The following FHOD3 variants were observed in gnomAD, a reference collection of about 807,000 sequenced individuals.
FHOD3 encodes the protein formin homology 2 domain containing 3, also known as FH1/FH2 domain-containing protein 3.
In FHOD3, 90 loss-of-function variants were observed where a neutral mutation model predicts 173.0. The ratio of observed to expected loss-of-function variants is 0.52; its 90% CI spans 0.44 to 0.62. The LOEUF (loss-of-function observed/expected upper bound fraction) is 0.62, where lower values mean the gene tolerates loss of function less well. Ranked by LOEUF, FHOD3 falls within the 20% of genes least tolerant of loss-of-function variation. The pLI, the probability that FHOD3 is intolerant of heterozygous loss-of-function variation, is 0.00. For missense variants in FHOD3, 1,945 were observed against 2,034.7 expected, an observed-to-expected ratio of 0.96 and a Z score of 0.85; for synonymous variants, 828 against 823.0, an observed-to-expected ratio of 1.01 and a Z score of -0.10.
At chr18:36,645,135 A>G (rs1332059583) in intron 10 of FHOD3, among the ~76,000 whole-genome samples, 1 of 148,294 alleles carries the variant, frequency 6.7e-6, no homozygotes, top group Non-Finnish European at 1.5e-5. Context: ...AGGGTATACT[A>G]TGCCAAGCTC....
intron 10 of FHOD3, among the ~76,000 whole-genome samples, chr18:36,638,500 T>C (rs2035049146): frequency 6.6e-6 from 1 of 152,164 alleles, no homozygotes; most frequent in Non-Finnish European, 1.5e-5. Flanking sequence ...CCTATCTGCC[T>C]GCCTGCTTGG....
rs574839769 is a variant in FHOD3 at position 36,608,484 on chromosome 18, G to A, written c.814-3468G>A. ...CCGACACTGCTGCATTGGGGTTTAA[G>A]TTTCCAACACATGAACTTTGGGTGG... On this transcript the variant is annotated intron_variant, in intron 8 of 28. Coordinates refer to ENST00000590592, the MANE Select transcript of FHOD3 (RefSeq NM_001281740.3). Among the ~76,000 whole-genome samples the A allele has an allele frequency of 5.3e-5, 8 of 152,298 alleles. No individual in the cohort carries two copies. In the South Asian group the frequency reaches 1.7e-3, roughly 32 times the overall value.
rs372940871 is a variant in FHOD3 at position 36,334,907 on chromosome 18, T to G, written c.166-20632T>G. ...ACTAATTTATTCCTGTAAGGAGGCC[T>G]GGCAGCTGGTGAGAGGTGTTCTGAA... On this transcript the variant is annotated intron_variant, in intron 1 of 28. Transcript: ENST00000590592. Among the ~76,000 whole-genome samples the G allele has an allele frequency of 2.3e-3, 353 of 152,348 alleles. 2 individuals carry two copies. The highest frequency in any genetic ancestry group is 8.1e-3 in the African/African-American group (336 of 41,588).
intron 17 of FHOD3, among the ~76,000 whole-genome samples, chr18:36,700,137 A>G (rs1600300965): frequency 6.6e-6 from 1 of 151,846 alleles, no homozygotes; most frequent in South Asian, 2.1e-4. Context: ...GCTCCTCTCT[A>G]TCTTCATACA....
chr18:36,323,556 AG>A (rs759181587), intron 1 of FHOD3, among the ~76,000 whole-genome samples: 1 of 152,172 alleles, frequency 6.6e-6, no homozygotes, highest in Non-Finnish European at 1.5e-5. Context: ...CCAGGGACAG[AG>A]GACTTCTCAC....
At chr18:36,517,450 G>A (rs1217979208) in intron 5 of FHOD3, among the ~76,000 whole-genome samples, 11 of 152,186 alleles carry the variant, frequency 7.2e-5, no homozygotes, top group Admixed American at 6.5e-4. Context: ...TGAATTGCAT[G>A]TGTCTTGTAT....
chr18:36,382,346 G>C (rs1403682291), intron 3 of FHOD3, among the ~76,000 whole-genome samples: 2 of 152,288 alleles, frequency 1.3e-5, no homozygotes, highest in East Asian at 3.9e-4. Flanking sequence ...GGGTCTGGCT[G>C]CGTTTTTTCG....
In FHOD3 at chr18:36,549,532, CTTTTTTTTTT is replaced by C. The variant is rs386387404; in HGVS notation, c.512-26905_512-26896del. Among the ~76,000 whole-genome samples, 222 of 71,244 alleles carry C rather than the reference CTTTTTTTTTT, an allele frequency of 3.1e-3. 1 individual carries two copies. The highest frequency in any genetic ancestry group is 0.012 in the African/African-American group (211 of 17,452). The allele number at this position is 71,244 out of a possible 152,430, so 46.7% of individuals were successfully genotyped here. A position where few individuals can be genotyped will look rare whatever the true frequency, so the allele number is the denominator to read the frequency against. ...ACATTTAGTGTCAGATCTAAGAAAT[CTTTTTTTTTT>C]TTTTTTTTTTTTTGAGATGGAGTCT... On this transcript the variant is annotated intron_variant, in intron 5 of 28. Transcript: ENST00000590592.
At chr18:36,497,405 C>T (rs571317136) in intron 3 of FHOD3, among the ~76,000 whole-genome samples, 40 of 152,122 alleles carry the variant, frequency 2.6e-4, no homozygotes, top group Admixed American at 8.5e-4. Context: ...TGTGATGTCG[C>T]AGAGGTTAAA....
At chr18:36,647,707 A>G (rs1386771802) in intron 10 of FHOD3, among the ~76,000 whole-genome samples, 1 of 152,246 alleles carries the variant, frequency 6.6e-6, no homozygotes, top group Admixed American at 6.5e-5. Context: ...GGGTCATCAG[A>G]AGTAGAATGG....
At position 36,514,051 on chromosome 18, in the gene FHOD3, C is replaced by A. The variant is rs187565346; in HGVS notation, c.511+1508C>A. On this transcript the variant is annotated intron_variant, in intron 5 of 28. Coordinates refer to ENST00000590592, the MANE Select transcript of FHOD3 (RefSeq NM_001281740.3). ...TGAGATGGAGTCTTGCTCTGTCACC[C>A]AGGCTGGAGTGCAGTGGCGCGATCT... Among the ~76,000 whole-genome samples the A allele has an allele frequency of 2.1e-3, 237 of 115,494 alleles. 1 individual carries two copies. The highest frequency in any genetic ancestry group is 6.9e-3 in the African/African-American group (218 of 31,368). 75.8% of individuals were successfully genotyped at this position (115,494 alleles called of 152,430 possible). A position where few individuals can be genotyped will look rare whatever the true frequency, so the allele number is the denominator to read the frequency against.
At chr18:36,563,069 CAG>C (rs2058145648) in intron 5 of FHOD3, among the ~76,000 whole-genome samples, 1 of 152,160 alleles carries the variant, frequency 6.6e-6, no homozygotes, top group South Asian at 2.1e-4. Flanking sequence ...CTTCTAGACA[CAG>C]AGTCTTCATG....
chr18:36,600,646 T>C (rs2031242566), intron 7 of FHOD3, among the ~76,000 whole-genome samples: 1 of 152,182 alleles, frequency 6.6e-6, no homozygotes, highest in Non-Finnish European at 1.5e-5. Flanking sequence ...TGTTTGAGTG[T>C]TCTTATTATA....
chr18:36,480,886 G>C (rs1312774403), intron 3 of FHOD3, among the ~76,000 whole-genome samples: 2 of 152,152 alleles, frequency 1.3e-5, no homozygotes, highest in African/African-American at 4.8e-5. Context: ...GATTCCAGCA[G>C]TTTTTCCCTT....
chr18:36,476,779 A>G (rs2053598295), intron 3 of FHOD3, among the ~76,000 whole-genome samples: 1 of 152,204 alleles, frequency 6.6e-6, no homozygotes, highest in Admixed American at 6.5e-5. Flanking sequence ...CTTAAGTGTA[A>G]AGATCCAAAC....
chr18:36,641,321 G>A (rs2035290388), intron 10 of FHOD3, among the ~76,000 whole-genome samples: 1 of 152,180 alleles, frequency 6.6e-6, no homozygotes, highest in Non-Finnish European at 1.5e-5. Context: ...GGGTGAGGAG[G>A]TTCACGAAGG....
intron 4 of FHOD3, among the ~76,000 whole-genome samples, chr18:36,509,368 A>C (rs1050072305): frequency 2.0e-5 from 3 of 146,716 alleles, no homozygotes; most frequent in Non-Finnish European, 4.4e-5. Context: ...CGGAGCTTGC[A>C]GTGAGTTGAG....
At chr18:36,675,282 C>G (rs1397884419) in intron 14 of FHOD3, among the ~76,000 whole-genome samples, 1 of 152,112 alleles carries the variant, frequency 6.6e-6, no homozygotes, top group Non-Finnish European at 1.5e-5. Flanking sequence ...TCCCTTTCCA[C>G]GTGGTCTCCT....
Position 36,740,731 on chromosome 18 carries a change from C to G in FHOD3, c.3652C>G (p.Pro1218Ala), listed in dbSNP as rs765914500. ...QEAQLANPEI[P>A]LGSAEQFLLT... ...AGCTCAGCTGGCCAACCCTGAAATC[C>G]CCCTGGGCAGTGCAGAGCAGTTCCT... Residue 1218 changes from proline (P) to alanine (A), a missense_variant, in exon 21 of 29, where the codon CCC becomes GCC. Around this residue, in one of 5 missense-constraint regions of FHOD3, gnomAD observed 231 missense variants for 321.9 expected, o/e 0.72. Coordinates refer to ENST00000590592, the MANE Select transcript of FHOD3 (RefSeq NM_001281740.3). The G allele has an allele frequency of 1.9e-6, 3 of 1,613,928 alleles. No individual in the cohort carries two copies. Among genetic ancestry groups the G allele is most frequent in the Non-Finnish European group, 2.5e-6 (3 of 1,180,016 alleles).
Sources: gnomAD v4.1 joint callset for allele counts (sites outside exome capture counted in the v4.1 genomes callset) on GRCh38, gnomAD v4.1.1 for gene constraint, gnomAD v4.1.1 regional missense constraint, MANE v1.5 for transcripts, NCBI Gene and HGNC (gene_info 2026-07-23, HGNC 2026-07-21) for gene names.